Variants in G3BP2 observed in about 807,000 individuals in gnomAD.
G3BP2 encodes the protein ras GTPase-activating protein-binding protein 2.
A neutral mutation model predicts 56.7 loss-of-function variants in G3BP2; 11 were observed. The ratio of observed to expected loss-of-function variants is 0.19; its 90% CI spans 0.12 to 0.32. G3BP2 has a LOEUF of 0.32. Ranked by LOEUF, G3BP2 falls within the 10% of genes least tolerant of loss-of-function variation. G3BP2 has a pLI of 1.00. For synonymous variants in G3BP2, 165 were observed against 191.6 expected, an observed-to-expected ratio of 0.86 and a Z score of 1.15; for missense variants, 340 against 610.9, an observed-to-expected ratio of 0.56 and a Z score of 4.67.
rs1730953514 is a variant in G3BP2 at position 75,643,000 on chromosome 4, G to C, written c.*2430C>G. Reference sequence around the variant, plus strand: ...TGGTTGCAATAGTGTCATAAGGATAGAATATTACCATCAAAAAATAAAACA... The same window carrying C: ...TGGTTGCAATAGTGTCATAAGGATACAATATTACCATCAAAAAATAAAACA... On this transcript the variant is annotated 3_prime_UTR_variant, in exon 12 of 12. Coordinates refer to ENST00000359707, the MANE Select transcript of G3BP2 (RefSeq NM_203505.3). The C allele has an allele frequency of 6.6e-6, 1 of 152,460 alleles. No homozygotes were observed. The highest frequency in any genetic ancestry group is 1.9e-4 in the East Asian group (1 of 5,194). 9.4% of individuals were successfully genotyped at this position (152,460 alleles called of 1,614,324 possible). A position where few individuals can be genotyped will look rare whatever the true frequency, so the allele number is the denominator to read the frequency against.
At chr4:75,701,664 G>A (rs1719350575) in intron 3 of G3BP2, among the ~76,000 whole-genome samples, 1 of 152,292 alleles carries the variant, frequency 6.6e-6, no homozygotes, top group Non-Finnish European at 1.5e-5. Flanking sequence ...CTGACCTCAG[G>A]TGATCCGCCC....
intron 11 of G3BP2, 26 bp from the exon 12 acceptor site, chr4:75,645,728 T>C (rs1731166853): frequency 6.2e-7 from 1 of 1,603,396 alleles, no homozygotes; most frequent in Admixed American, 1.7e-5. Flanking sequence ...GAAAAATATT[T>C]ACATGGGCAG....
chr4:75,719,217 G>A (rs969570202), intron 3 of G3BP2, among the ~76,000 whole-genome samples: 8 of 150,166 alleles, frequency 5.3e-5, no homozygotes, highest in African/African-American at 1.2e-4. Flanking sequence ...GCTTAGTGGC[G>A]GGCGCCTGTA....
chr4:75,649,914 G>T lies in G3BP2; in HGVS notation c.826-1173C>A, dbSNP rs555666932. Among the ~76,000 whole-genome samples the T allele has an allele frequency of 7.2e-5, 11 of 152,282 alleles. No homozygotes were observed. In the East Asian group the frequency reaches 1.9e-3, roughly 27 times the overall value. ...TAACCCCAGCTACTTGGGAGGCTGAGGCAGGAGAATCGCTTGAACCCGGAA... is the reference window on the plus strand; with the variant it reads ...TAACCCCAGCTACTTGGGAGGCTGATGCAGGAGAATCGCTTGAACCCGGAA... On this transcript the variant is annotated intron_variant, in intron 8 of 11. Transcript: ENST00000359707.
intron 1 of G3BP2, among the ~76,000 whole-genome samples, chr4:75,663,737 G>T (rs1732755671): frequency 6.6e-6 from 1 of 151,838 alleles, no homozygotes; most frequent in Admixed American, 6.6e-5. Context: ...GTGGGTGCCT[G>T]TAATCCCAGC....
chr4:75,679,516 C>T (rs575266103), intron 3 of G3BP2, among the ~76,000 whole-genome samples: 6 of 152,246 alleles, frequency 3.9e-5, no homozygotes, highest in Admixed American at 3.9e-4. Context: ...AATGGCCTGC[C>T]AATCTGTGTG....
chr4:75,709,372 A>T (rs1719667507), intron 3 of G3BP2, among the ~76,000 whole-genome samples: 1 of 129,392 alleles, frequency 7.7e-6, no homozygotes. Context: ...GTGAGCTGAG[A>T]TTGCACCACC....
rs76923318 is a variant in G3BP2, at chr4:75,682,417, A to G, written c.-24-20368T>C. On this transcript the variant is annotated intron_variant, in intron 3 of 3. Coordinates refer to the G3BP2 transcript ENST00000499709. ...GTGACAGAGCGAGACTCCGTCTCAA[A>G]AAAAAAAAAAAAAAAAATTATGAAC... Among the ~76,000 whole-genome samples, 3 of 144,938 alleles carry G rather than the reference A, an allele frequency of 2.1e-5. No homozygotes were observed. The South Asian group carries it at 6.3e-4, about 30-fold the overall frequency.
At chr4:75,698,248 G>A (rs1038272156) in intron 3 of G3BP2, among the ~76,000 whole-genome samples, 6 of 152,156 alleles carry the variant, frequency 3.9e-5, no homozygotes, top group South Asian at 2.1e-4. Context: ...AGAAGGCTAT[G>A]TGAGGAAGGA....
At chr4:75,665,734 C>G (rs1384949956) in intron 1 of G3BP2, among the ~76,000 whole-genome samples, 1 of 151,862 alleles carries the variant, frequency 6.6e-6, no homozygotes, top group East Asian at 1.9e-4. Context: ...GGGTAAAGAA[C>G]AGTAGACTTA....
chr4:75,712,411 T>G (rs1577901492), intron 3 of G3BP2, among the ~76,000 whole-genome samples: 1 of 152,174 alleles, frequency 6.6e-6, no homozygotes, highest in East Asian at 1.9e-4. Flanking sequence ...AATTCTCAGT[T>G]AAATAAAGTG....
intron 2 of G3BP2, among the ~76,000 whole-genome samples, chr4:75,721,796 A>C (rs985702586): frequency 6.6e-6 from 1 of 152,198 alleles, no homozygotes; most frequent in African/African-American, 2.4e-5. Context: ...CAATTTGAAA[A>C]AATGAATTTC....
chr4:75,690,395 G>A (rs1718802887), intron 3 of G3BP2, among the ~76,000 whole-genome samples: 1 of 150,474 alleles, frequency 6.6e-6, no homozygotes, highest in Non-Finnish European at 1.5e-5. Context: ...CCGTGCTATT[G>A]CACTCTAGCC....
intron 8 of G3BP2, among the ~76,000 whole-genome samples, chr4:75,653,318 T>C (rs1310166704): frequency 1.3e-5 from 2 of 152,170 alleles, no homozygotes; most frequent in African/African-American, 4.8e-5. Context: ...ACACCCTTTA[T>C]ATGCTGATAA....
At chr4:75,661,899 T>C (rs776185951) in intron 2 of G3BP2, 32 bp downstream of exon 2, 79 of 1,177,634 alleles carry the variant, frequency 6.7e-5, no homozygotes, top group Non-Finnish European at 9.4e-5. Flanking sequence ...AAAAAGTAGA[T>C]AAAAATACCA....
At chr4:75,716,316 C>T (rs1577905011) in intron 3 of G3BP2, among the ~76,000 whole-genome samples, 1 of 150,998 alleles carries the variant, frequency 6.6e-6, no homozygotes, top group East Asian at 2.0e-4. Context: ...ATTACAGGCA[C>T]GTGCCATGAT....
intron 1 of G3BP2, chr4:75,672,482 G>C (rs1210931852): frequency 2.0e-5 from 3 of 152,334 alleles, no homozygotes; most frequent in Non-Finnish European, 2.9e-5. Context: ...TGCATAAGAG[G>C]GGGACGAAGA....
intron 4 of G3BP2, among the ~76,000 whole-genome samples, chr4:75,657,239 A>C (rs191757295): frequency 6.6e-6 from 1 of 152,360 alleles, no homozygotes; most frequent in East Asian, 1.9e-4. Context: ...AGTAGAACTC[A>C]AGAAACAGCT....
At chr4:75,648,878 A>G (rs987947319) in intron 8 of G3BP2, 137 bp from the exon 9 acceptor site, 26 of 549,346 alleles carry the variant, frequency 4.7e-5, no homozygotes, top group African/African-American at 7.5e-5. Context: ...TGTCCTATGT[A>G]TGAGAAAAAT....
Sources: gnomAD v4.1 joint callset for allele counts (sites outside exome capture counted in the v4.1 genomes callset) on GRCh38, gnomAD v4.1.1 for gene constraint, MANE v1.5 for transcripts, NCBI Gene and HGNC (gene_info 2026-07-23, HGNC 2026-07-21) for gene names.